Variants in ZNF236 observed in about 807,000 individuals in gnomAD.
The protein encoded by ZNF236 is regulated by glucose.
A neutral mutation model predicts 191.2 loss-of-function variants in ZNF236; 50 were observed. The observed-to-expected ratio is 0.26, with a 90% CI of 0.21 to 0.33. The LOEUF (loss-of-function observed/expected upper bound fraction) is 0.33, where lower values mean the gene tolerates loss of function less well. ZNF236 is among the 10% of genes least tolerant of loss of function. The pLI, the probability that ZNF236 is intolerant of heterozygous loss-of-function variation, is 1.00. For missense variants in ZNF236, 1,754 were observed against 2,374.5 expected (o/e 0.74, Z 5.43); for synonymous variants, 907 against 928.8 (o/e 0.98, Z 0.43).
At chr18:76,945,410 A>G (rs142227955) in intron 26 of ZNF236, among the ~76,000 whole-genome samples, 2 of 152,378 alleles carry the variant, frequency 1.3e-5, no homozygotes, top group African/African-American at 2.4e-5. Context: ...ACAAAAAAGT[A>G]TAGCATTCAC....
intron 26 of ZNF236, among the ~76,000 whole-genome samples, chr18:76,938,226 C>CA (rs1472294445): frequency 6.6e-6 from 1 of 151,730 alleles, no homozygotes; most frequent in African/African-American, 2.4e-5. Flanking sequence ...TCTGTCTCTA[C>CA]AAAAAATAAA....
intron 11 of ZNF236, among the ~76,000 whole-genome samples, chr18:76,900,080 G>A (rs996012831): frequency 2.0e-5 from 3 of 152,252 alleles, no homozygotes; most frequent in Admixed American, 2.0e-4. Flanking sequence ...TGCAGTTTCT[G>A]TATTTCACTA....
chr18:76,882,256 G>A (rs1345786880), intron 9 of ZNF236, among the ~76,000 whole-genome samples: 3 of 152,104 alleles, frequency 2.0e-5, no homozygotes, highest in South Asian at 2.1e-4. Flanking sequence ...TCAGTGCTCC[G>A]TCATTCAAGC....
intron 28 of ZNF236, among the ~76,000 whole-genome samples, chr18:76,956,619 C>T (rs559288046): frequency 1.3e-5 from 2 of 152,334 alleles, no homozygotes; most frequent in African/African-American, 4.8e-5. Context: ...CCTGAAGATG[C>T]CCCTCCAGCC....
intron 1 of ZNF236, among the ~76,000 whole-genome samples, chr18:76,845,082 T>G (rs1419751353): frequency 1.3e-5 from 2 of 152,250 alleles, no homozygotes. Flanking sequence ...AAACAGCTAT[T>G]ATTCTATTTA....
intron 11 of ZNF236, among the ~76,000 whole-genome samples, chr18:76,903,842 T>C (rs989017229): frequency 1.2e-4 from 18 of 151,272 alleles, no homozygotes; most frequent in Non-Finnish European, 2.1e-4. Flanking sequence ...GATATCCCTT[T>C]AGTGATATCT....
At chr18:76,831,214 C>T (rs914971310) in intron 1 of ZNF236, among the ~76,000 whole-genome samples, 1 of 152,202 alleles carries the variant, frequency 6.6e-6, no homozygotes, top group Non-Finnish European at 1.5e-5. Flanking sequence ...GCCTGTTCAT[C>T]CATCCCTTCC....
At chr18:76,897,171 C>T (rs1223012456) in intron 10 of ZNF236, among the ~76,000 whole-genome samples, 1 of 148,212 alleles carries the variant, frequency 6.7e-6, no homozygotes, top group Non-Finnish European at 1.5e-5. Flanking sequence ...CACACAGGTA[C>T]CAAACAGTAC....
intron 14 of ZNF236, among the ~76,000 whole-genome samples, chr18:76,908,963 C>CTG (rs10524379): frequency 0.012 from 1,762 of 147,158 alleles, 29 homozygotes; most frequent in African/African-American, 0.038. Flanking sequence ...ATGTGTGTGT[C>CTG]TGTGTGTGTG....
chr18:76,872,502 AAAAC>A (rs1382868786), intron 5 of ZNF236, among the ~76,000 whole-genome samples: 25 of 152,336 alleles, frequency 1.6e-4, no homozygotes, highest in Admixed American at 1.2e-3. Flanking sequence ...AATAAAATAA[AAAAC>A]AAGGAAGCAG....
chr18:76,959,546 C>G, intron 28 of ZNF236, 141 bp from the exon 29 acceptor site: 1 of 1,016,434 alleles, frequency 9.8e-7, no homozygotes, highest in Non-Finnish European at 1.4e-6. Context: ...GCATTGAAGT[C>G]CTTAAGAACA....
intron 1 of ZNF236, among the ~76,000 whole-genome samples, chr18:76,825,970 T>C (rs942747980): frequency 6.6e-6 from 1 of 152,242 alleles, no homozygotes; most frequent in African/African-American, 2.4e-5. Context: ...GACATTGCTC[T>C]ATCACTTACT....
intron 4 of ZNF236, among the ~76,000 whole-genome samples, chr18:76,870,718 G>C (rs1976559573): frequency 6.6e-6 from 1 of 152,132 alleles, no homozygotes; most frequent in African/African-American, 2.4e-5. Context: ...CTGGGGTGAG[G>C]AGCAGGGAGC....
chr18:76,861,621 A>T (rs1475234402), intron 3 of ZNF236, among the ~76,000 whole-genome samples: 1 of 152,174 alleles, frequency 6.6e-6, no homozygotes, highest in Non-Finnish European at 1.5e-5. Context: ...TTTTTCAGTT[A>T]ATTGATTTGA....
Position 76,871,615 on chromosome 18 carries a change from CA to C in ZNF236, c.543-83del. On this transcript the variant is annotated intron_variant, in intron 4 of 30. Transcript: ENST00000320610. ...AAACAGGTTCTGATGACTAGTCAGC[CA>C]AATTTTCTGGTAGGATTTTCATTTT... 1.1e-5 allele frequency: 17 copies of C among 1,565,532 alleles called. No homozygotes were observed. The South Asian group carries it at 1.9e-4, about 17-fold the overall frequency.
At chr18:76,961,190 T>C (rs973125226) in intron 30 of ZNF236, among the ~76,000 whole-genome samples, 1 of 151,940 alleles carries the variant, frequency 6.6e-6, no homozygotes, top group African/African-American at 2.4e-5. Context: ...CCAAAGTCCA[T>C]TGTGTCATTC....
At chr18:76,894,867 C>A in intron 9 of ZNF236, 146 bp from the exon 10 acceptor site, 1 of 1,117,804 alleles carries the variant, frequency 8.9e-7, no homozygotes, top group Non-Finnish European at 1.3e-6. Flanking sequence ...AACTCCTAGC[C>A]CTCGATAATG....
At position 76,880,197 on chromosome 18, in the gene ZNF236, A is replaced by G; in HGVS notation, c.1069A>G (p.Ser357Gly). The change falls in exon 8 of 31, where the codon AGC becomes GGC. Residue 357 changes from serine to glycine, a missense_variant. This residue lies in a region of ZNF236 where 336 missense variants were observed against 495.1 expected (regional missense o/e 0.68). Coordinates refer to ENST00000320610, the MANE Select transcript of ZNF236 (RefSeq NM_001306089.2). The surrounding 1 kb of genome is among the most constrained non-coding windows in gnomAD (Gnocchi z 5.0). The stretch of plus-strand genomic sequence containing the variant: ...AAGCCAGCCGAGCTCCCAGGCGGTG[A>G]GCGACGTCATCCAGCAGCTCCTGGA... ...ASSQPSSQAV[S>G]DVIQQLLELS... 6.2e-7 allele frequency: 1 copy of G among 1,614,180 alleles called. No homozygotes were observed. Among genetic ancestry groups the G allele is most frequent in the Non-Finnish European group, 8.5e-7 (1 of 1,180,018 alleles).
chr18:76,869,934 C>A (rs921881275), intron 4 of ZNF236, among the ~76,000 whole-genome samples: 1 of 151,942 alleles, frequency 6.6e-6, no homozygotes, highest in African/African-American at 2.4e-5. Context: ...CCAGCCTGGG[C>A]GACACAGCGA....
Sources: allele counts gnomAD v4.1 joint callset (sites outside exome capture counted in the v4.1 genomes callset), GRCh38; gene constraint gnomAD v4.1.1; regional missense constraint gnomAD v4.1.1; non-coding constraint Gnocchi (gnomAD v3.1); transcripts MANE v1.5; gene names NCBI Gene and HGNC (gene_info 2026-07-23, HGNC 2026-07-21).